The following AKAP9 variants were observed in gnomAD, a reference collection of about 807,000 sequenced individuals.
AKAP9 encodes A-kinase anchor protein 9.
In AKAP9, 311 loss-of-function variants were observed where a neutral mutation model predicts 488.5. That is an observed-to-expected ratio of 0.64 (90% CI 0.58 to 0.70). The LOEUF (loss-of-function observed/expected upper bound fraction) is 0.70, where lower values mean the gene tolerates loss of function less well. Ranked by LOEUF, AKAP9 falls within the 30% of genes least tolerant of loss-of-function variation. The pLI is 0.00. For missense variants in AKAP9, 4,215 were observed against 4,374.5 expected (o/e 0.96, Z 1.03); for synonymous variants, 1,462 against 1,483.5 (o/e 0.99, Z 0.33).
intron 1 of AKAP9, among the ~76,000 whole-genome samples, chr7:91,945,512 A>AT (rs1791356877): frequency 6.6e-6 from 1 of 152,132 alleles, no homozygotes; most frequent in East Asian, 1.9e-4. Context: ...GTCTCAAAAA[A>AT]CAAAACAAAA....
At chr7:91,963,718 C>T (rs1794071089) in intron 1 of AKAP9, among the ~76,000 whole-genome samples, 2 of 152,136 alleles carry the variant, frequency 1.3e-5, no homozygotes, top group South Asian at 4.1e-4. Flanking sequence ...TGTGGTTTCG[C>T]CGTGTTAGGC....
intron 21 of AKAP9, among the ~76,000 whole-genome samples, chr7:92,046,152 C>A (rs1806956288): frequency 6.6e-6 from 1 of 152,040 alleles, no homozygotes; most frequent in South Asian, 2.1e-4. Flanking sequence ...CTATTTCTTC[C>A]CATCACATTG....
Position 92,040,666 on chromosome 7 carries a change from T to TAAA in AKAP9, c.4693-7_4693-6insAAA. Reference sequence around the variant, plus strand: ...GAATTGTTTTTTTTTTTTTTTTTACTATTAAAGATTCATGATGAGATTTCA... The same window carrying TAAA: ...GAATTGTTTTTTTTTTTTTTTTTACTAAAATTAAAGATTCATGATGAGATTTCA... On this transcript the variant is annotated splice_region_variant and splice_polypyrimidine_tract_variant and intron_variant, in intron 17 of 49. Transcript: ENST00000356239. The TAAA allele has an allele frequency of 7.4e-6, 10 of 1,351,548 alleles. No homozygotes were observed. Among genetic ancestry groups the TAAA allele is most frequent in the Non-Finnish European group, 1.0e-5 (10 of 962,000 alleles). 83.7% of individuals were successfully genotyped at this position (1,351,548 alleles called of 1,614,324 possible). A position where few individuals can be genotyped will look rare whatever the true frequency, so the allele number is the denominator to read the frequency against.
chr7:92,097,911 T>A (rs1816893514), intron 42 of AKAP9, 117 bp downstream of exon 42: 3 of 1,036,314 alleles, frequency 2.9e-6, no homozygotes, highest in Non-Finnish European at 4.5e-6. Flanking sequence ...AATGCGTGTT[T>A]ACATTAGGAG....
intron 4 of AKAP9, 82 bp downstream of exon 4, chr7:91,992,293 C>A: frequency 2.0e-6 from 2 of 977,358 alleles, no homozygotes; most frequent in Non-Finnish European, 3.3e-6. Context: ...CTTTTTCCTG[C>A]ATGTACTTCT....
In AKAP9 at chr7:91,985,204, G is replaced by C. The variant is rs543887732; in HGVS notation, c.351+4871G>C. ...CTTGTCTTGTGTCAGTTTTCAAAGG[G>C]AATGCTTCCAGTTTTTGCCCATTCA... On this transcript the variant is annotated intron_variant, in intron 3 of 49. Coordinates refer to ENST00000356239, the MANE Select transcript of AKAP9 (RefSeq NM_005751.5). Among the ~76,000 whole-genome samples, 3 of 152,260 alleles carry C rather than the reference G, an allele frequency of 2.0e-5. No homozygotes were observed. In the South Asian group the frequency reaches 6.2e-4, roughly 32 times the overall value.
chr7:91,987,051 CAA>C (rs1365689256), intron 3 of AKAP9, among the ~76,000 whole-genome samples: 1 of 151,564 alleles, frequency 6.6e-6, no homozygotes, highest in Admixed American at 6.6e-5. Context: ...TAATGTTGGT[CAA>C]AAAAACTAAA....
In AKAP9 at chr7:91,948,317, A is replaced by G. The variant is rs530708992; in HGVS notation, c.48+7170A>G. 5.3e-4 allele frequency among the ~76,000 whole-genome samples: 81 copies of G among 152,248 alleles called. No individual in the cohort carries two copies. The South Asian group carries it at 0.015, about 29-fold the overall frequency. On this transcript the variant is annotated intron_variant, in intron 1 of 49. Coordinates refer to ENST00000356239, the MANE Select transcript of AKAP9 (RefSeq NM_005751.5). ...TAGTAGTAGAACTGAGCAAGGTCAT[A>G]TGGTAGTTATATTTCAACTTTTTGA...
At chr7:92,025,472 A>G (rs1563002772) in intron 14 of AKAP9, among the ~76,000 whole-genome samples, 1 of 152,226 alleles carries the variant, frequency 6.6e-6, no homozygotes, top group Non-Finnish European at 1.5e-5. Context: ...TTTTGTGTAA[A>G]TAGCATCACA....
Position 92,110,275 on chromosome 7 carries a change from A to G in AKAP9, c.*116A>G. On this transcript the variant is annotated 3_prime_UTR_variant, in exon 50 of 50. Coordinates refer to ENST00000356239, the MANE Select transcript of AKAP9 (RefSeq NM_005751.5). ...AATGGGACCAATATGAACACAGCTT[A>G]TGATTGTATACAAATCCCTTGCCAG... is the stretch of plus-strand genomic sequence containing the variant. 1 of 833,204 alleles carries G rather than the reference A, an allele frequency of 1.2e-6. No individual in the cohort carries two copies. The highest frequency in any genetic ancestry group is 2.0e-6 in the Non-Finnish European group (1 of 505,998). 51.6% of individuals were successfully genotyped at this position (833,204 alleles called of 1,614,324 possible). A position where few individuals can be genotyped will look rare whatever the true frequency, so the allele number is the denominator to read the frequency against.
chr7:92,023,333 A>T (rs1802599664), intron 14 of AKAP9, among the ~76,000 whole-genome samples: 1 of 152,162 alleles, frequency 6.6e-6, no homozygotes, highest in Admixed American at 6.5e-5. Context: ...TGCTACTTTG[A>T]TATGGTGAAT....
At chr7:92,058,147 C>T in intron 22 of AKAP9, 1 of 559,100 alleles carries the variant, frequency 1.8e-6, no homozygotes, top group South Asian at 1.5e-5. Context: ...AATTAGGAAT[C>T]TCGGCAGCTG....
At chr7:91,987,858 C>G (rs1797293133) in intron 3 of AKAP9, among the ~76,000 whole-genome samples, 1 of 152,032 alleles carries the variant, frequency 6.6e-6, no homozygotes. Context: ...GGAATTATCT[C>G]TCAATAACAC....
At chr7:92,095,659 G>A (rs1432979994) in intron 40 of AKAP9, among the ~76,000 whole-genome samples, 1 of 152,120 alleles carries the variant, frequency 6.6e-6, no homozygotes, top group Non-Finnish European at 1.5e-5. Flanking sequence ...TAATAGAGGT[G>A]GAGTATACAT....
At chr7:92,017,822 C>G (rs1801734810) in intron 12 of AKAP9, among the ~76,000 whole-genome samples, 3 of 152,116 alleles carry the variant, frequency 2.0e-5, no homozygotes, top group Admixed American at 2.0e-4. Context: ...TTTCTTCTTG[C>G]CTACTCTGTT....
intron 1 of AKAP9, among the ~76,000 whole-genome samples, chr7:91,964,534 C>T (rs2130527235): frequency 6.6e-6 from 1 of 152,166 alleles, no homozygotes. Context: ...CCTAAAAACT[C>T]AGACTTCACC....
chr7:91,993,176 TTTCTTC>T (rs200558972), intron 5 of AKAP9, 121 bp downstream of exon 5: 11 of 1,033,184 alleles, frequency 1.1e-5, no homozygotes, highest in Admixed American at 2.7e-5. Flanking sequence ...TTTCTTTTCT[TTTCTTC>T]TTCTTCTTCT....
chr7:92,079,331 C>G lies in AKAP9; in HGVS notation c.7198C>G (p.Gln2400Glu). The G allele has an allele frequency of 6.2e-7, 1 of 1,613,986 alleles. No individual in the cohort carries two copies. Among genetic ancestry groups the G allele is most frequent in the Non-Finnish European group, 8.5e-7 (1 of 1,179,992 alleles). The stretch of plus-strand genomic sequence containing the variant: ...TATAGCTGAAAAGCTGGCCTTGGAA[C>G]AGCAAGTAGAAACCGCTAATGAAGA... ...VVIAEKLALE[Q>E]QVETANEEMT... Residue 2400 changes from glutamine to glutamate, a missense_variant, in exon 31 of 50, where the codon CAG becomes GAG. Around this residue, in one of 5 missense-constraint regions of AKAP9, gnomAD observed 1,476 missense variants for 1,477.4 expected, o/e 1.00. Coordinates refer to ENST00000356239, the MANE Select transcript of AKAP9 (RefSeq NM_005751.5).
chr7:91,956,601 A>G (rs1480182742), intron 1 of AKAP9, among the ~76,000 whole-genome samples: 1 of 152,052 alleles, frequency 6.6e-6, no homozygotes, highest in African/African-American at 2.4e-5. Flanking sequence ...TATGCATTGT[A>G]CTTCAGCGCT....
Sources: allele counts gnomAD v4.1 joint callset (sites outside exome capture counted in the v4.1 genomes callset), GRCh38; gene constraint gnomAD v4.1.1; regional missense constraint gnomAD v4.1.1; transcripts MANE v1.5; gene names NCBI Gene and HGNC (gene_info 2026-07-23, HGNC 2026-07-21).